The following PTPRG variants were observed in gnomAD, a reference collection of about 807,000 sequenced individuals.
The protein encoded by PTPRG is receptor-type tyrosine-protein phosphatase gamma.
A neutral mutation model predicts 165.3 loss-of-function variants in PTPRG; 102 were observed. That is an observed-to-expected ratio of 0.62 (90% CI 0.53 to 0.73). The LOEUF is 0.73. Ranked by LOEUF, PTPRG falls within the 30% of genes least tolerant of loss-of-function variation. The pLI is 0.00. For missense variants in PTPRG, 1,866 were observed against 1,861.4 expected, an observed-to-expected ratio of 1.00 and a Z score of -0.05; for synonymous variants, 675 against 669.5, an observed-to-expected ratio of 1.01 and a Z score of -0.13.
At chr3:61,726,749 C>T (rs533465165) in intron 1 of PTPRG, among the ~76,000 whole-genome samples, 5 of 152,270 alleles carry the variant, frequency 3.3e-5, no homozygotes, top group African/African-American at 9.6e-5. Context: ...GCTGTTCCAA[C>T]TTATTAAGAT....
intron 2 of PTPRG, among the ~76,000 whole-genome samples, chr3:61,947,942 T>G (rs568382202): frequency 4.6e-5 from 7 of 152,246 alleles, no homozygotes; most frequent in African/African-American, 1.7e-4. Flanking sequence ...GGGAATAGTT[T>G]CTTAAAAGGA....
intron 6 of PTPRG, among the ~76,000 whole-genome samples, chr3:62,142,321 G>T (rs1015349502): frequency 1.2e-4 from 19 of 152,146 alleles, no homozygotes; most frequent in Non-Finnish European, 8.8e-5. Context: ...AATGAGGATG[G>T]TGGTGACTTC....
At chr3:61,770,525 T>G (rs1369094863) in intron 2 of PTPRG, 3 of 152,182 alleles carry the variant, frequency 2.0e-5, no homozygotes, top group Non-Finnish European at 2.9e-5. Context: ...GTATATATAT[T>G]TGTGTGGTGG....
chr3:61,875,400 T>G (rs2037707887), intron 2 of PTPRG, among the ~76,000 whole-genome samples: 1 of 152,034 alleles, frequency 6.6e-6, no homozygotes, highest in Admixed American at 6.6e-5. Context: ...AGGATTCTCT[T>G]TTAAAGGAAT....
chr3:62,267,644 A>C, intron 18 of PTPRG, 41 bp from the exon 19 acceptor site: 1 of 1,597,610 alleles, frequency 6.3e-7, no homozygotes, highest in South Asian at 1.1e-5. Context: ...GTCTTCTGTG[A>C]TAACTGCTTT....
intron 2 of PTPRG, among the ~76,000 whole-genome samples, chr3:61,763,039 A>C (rs58989991): frequency 4.7e-4 from 72 of 152,274 alleles, no homozygotes; most frequent in African/African-American, 1.7e-3. Context: ...CATGTTCTTC[A>C]AAGCATCCCA....
At chr3:61,688,444 G>A (rs889771231) in intron 1 of PTPRG, among the ~76,000 whole-genome samples, 4 of 151,926 alleles carry the variant, frequency 2.6e-5, no homozygotes, top group South Asian at 4.1e-4. Context: ...TTTCTCAGTC[G>A]CCTCCATCTT....
intron 4 of PTPRG, among the ~76,000 whole-genome samples, chr3:62,071,836 T>C (rs893954828): frequency 6.6e-6 from 1 of 152,216 alleles, no homozygotes; most frequent in Non-Finnish European, 1.5e-5. Flanking sequence ...GCCTATAAAA[T>C]GAGAATCGTA....
At chr3:61,727,309 A>G (rs1309830552) in intron 1 of PTPRG, among the ~76,000 whole-genome samples, 1 of 151,306 alleles carries the variant, frequency 6.6e-6, no homozygotes, top group Non-Finnish European at 1.5e-5. Context: ...GCTTGCCACC[A>G]CACCCAGCTA....
intron 28 of PTPRG, among the ~76,000 whole-genome samples, chr3:62,284,435 T>A (rs1347018106): frequency 6.6e-6 from 1 of 152,102 alleles, no homozygotes; most frequent in African/African-American, 2.4e-5. Flanking sequence ...AACCAGTAGA[T>A]CTGCAAATAT....
chr3:62,076,494 T>TTTTG (rs202043848), intron 4 of PTPRG, among the ~76,000 whole-genome samples: 10,279 of 151,812 alleles, frequency 0.068, 476 homozygotes, highest in South Asian at 0.12. Context: ...GTCTGGTTTT[T>TTTTG]TTTGTTTGTT....
chr3:62,121,842 A>G (rs1223979668), intron 5 of PTPRG, among the ~76,000 whole-genome samples: 1 of 152,212 alleles, frequency 6.6e-6, no homozygotes, highest in Non-Finnish European at 1.5e-5. Context: ...CCAGTGAGGA[A>G]ATGATTGCTG....
chr3:61,877,168 T>G (rs1371245303), intron 2 of PTPRG, among the ~76,000 whole-genome samples: 1 of 152,236 alleles, frequency 6.6e-6, no homozygotes, highest in Non-Finnish European at 1.5e-5. Context: ...GCATTTTAAT[T>G]TGCAGGGAAG....
intron 13 of PTPRG, among the ~76,000 whole-genome samples, chr3:62,223,139 G>A (rs145083764): frequency 6.6e-5 from 10 of 152,236 alleles, no homozygotes; most frequent in African/African-American, 2.2e-4. Context: ...GGGACAGCAA[G>A]GGCCGGATCA....
intron 4 of PTPRG, among the ~76,000 whole-genome samples, chr3:62,061,845 G>T (rs1290361599): frequency 6.6e-6 from 1 of 151,568 alleles, no homozygotes; most frequent in Non-Finnish European, 1.5e-5. Context: ...GGCCAGGCTG[G>T]TCTGGAACTC....
chr3:62,140,688 A>T (rs995664706), intron 6 of PTPRG, among the ~76,000 whole-genome samples: 1 of 152,030 alleles, frequency 6.6e-6, no homozygotes, highest in Non-Finnish European at 1.5e-5. Flanking sequence ...CTCTACTAAA[A>T]ATACAAAAAT....
intron 28 of PTPRG, among the ~76,000 whole-genome samples, chr3:62,283,463 T>G (rs1250400584): frequency 1.3e-5 from 2 of 152,258 alleles, no homozygotes; most frequent in South Asian, 2.1e-4. Flanking sequence ...CTTTCCACTT[T>G]AATAAGAAGG....
chr3:61,607,766 C>T (rs552443995), intron 1 of PTPRG, among the ~76,000 whole-genome samples: 7 of 152,140 alleles, frequency 4.6e-5, no homozygotes, highest in Admixed American at 1.3e-4. Context: ...ATGGCTGAAA[C>T]GGGTTGCAAA....
chr3:61,984,283 C>T lies in PTPRG; in HGVS notation c.191-5342C>T, dbSNP rs80084691. On this transcript the variant is annotated intron_variant, in intron 2 of 29. Coordinates refer to ENST00000474889, the MANE Select transcript of PTPRG (RefSeq NM_002841.4). Reference sequence around the variant, plus strand: ...CTAATGATGTTTTTCTTAATGACAGCTTTAAAAACTGAATTTCTCCAACTT... The same window carrying T: ...CTAATGATGTTTTTCTTAATGACAGTTTTAAAAACTGAATTTCTCCAACTT... Among the ~76,000 whole-genome samples, 334 of 152,238 alleles carry T rather than the reference C, an allele frequency of 2.2e-3. 2 individuals are homozygous for T. Among genetic ancestry groups the T allele is most frequent in the African/African-American group, 7.8e-3 (323 of 41,556 alleles).
Sources: gnomAD v4.1 joint callset for allele counts (sites outside exome capture counted in the v4.1 genomes callset) on GRCh38, gnomAD v4.1.1 for gene constraint, MANE v1.5 for transcripts, NCBI Gene and HGNC (gene_info 2026-07-23, HGNC 2026-07-21) for gene names.